The following PTPRD variants were observed in gnomAD, a reference collection of about 807,000 sequenced individuals.
The protein encoded by PTPRD is receptor-type tyrosine-protein phosphatase delta.
A neutral mutation model predicts 214.5 loss-of-function variants in PTPRD; 34 were observed. The ratio of observed to expected loss-of-function variants is 0.16; its 90% CI spans 0.12 to 0.21. The LOEUF is 0.21. PTPRD is among the 10% of genes least tolerant of loss of function. PTPRD has a pLI of 1.00. For synonymous variants in PTPRD, 1,128 were observed against 845.7 expected (o/e 1.33, Z -5.79); for missense variants, 2,545 against 2,398.7 (o/e 1.06, Z -1.27).
At chr9:10,049,910 C>G (rs2097495898) in intron 3 of PTPRD, among the ~76,000 whole-genome samples, 2 of 152,222 alleles carry the variant, frequency 1.3e-5, no homozygotes, top group South Asian at 4.1e-4. Context: ...GGTAGCATGA[C>G]CTGTCTCAGA....
At chr9:9,616,813 A>G (rs1337921382) in intron 7 of PTPRD, among the ~76,000 whole-genome samples, 2 of 152,228 alleles carry the variant, frequency 1.3e-5, no homozygotes, top group Non-Finnish European at 2.9e-5. Context: ...AGTAGCCACT[A>G]TAATTTTTTT....
At chr9:9,527,185 A>G (rs527579470) in intron 8 of PTPRD, among the ~76,000 whole-genome samples, 1 of 152,296 alleles carries the variant, frequency 6.6e-6, no homozygotes, top group East Asian at 1.9e-4. Flanking sequence ...AGGAATATAG[A>G]TTACTATCTT....
intron 8 of PTPRD, among the ~76,000 whole-genome samples, chr9:9,507,865 A>G (rs1391786190): frequency 1.3e-5 from 2 of 151,476 alleles, no homozygotes; most frequent in Non-Finnish European, 3.0e-5. Context: ...TTCATAAACC[A>G]AAGTCTATTT....
intron 10 of PTPRD, among the ~76,000 whole-genome samples, chr9:9,170,010 T>G (rs1215192642): frequency 6.6e-6 from 1 of 152,196 alleles, no homozygotes; most frequent in Non-Finnish European, 1.5e-5. Context: ...AGATCTTTGG[T>G]GTTTTTTCAT....
intron 2 of PTPRD, among the ~76,000 whole-genome samples, chr9:10,377,065 C>T: frequency 6.6e-6 from 1 of 151,812 alleles, no homozygotes; most frequent in Admixed American, 6.6e-5. Flanking sequence ...ATTACCCTTT[C>T]CAGCCGCTGG....
At chr9:9,036,026 C>T (rs769837678) in intron 10 of PTPRD, among the ~76,000 whole-genome samples, 8 of 152,002 alleles carry the variant, frequency 5.3e-5, no homozygotes, top group Non-Finnish European at 1.0e-4. Flanking sequence ...AATGTGCCTA[C>T]CTCTTTTGAA....
chr9:9,178,552 T>C (rs970467807), intron 10 of PTPRD, among the ~76,000 whole-genome samples: 1 of 152,116 alleles, frequency 6.6e-6, no homozygotes, highest in Non-Finnish European at 1.5e-5. Context: ...ACAGCCTATT[T>C]TAGTTCTAAT....
intron 2 of PTPRD, among the ~76,000 whole-genome samples, chr9:10,571,917 T>A (rs1293648976): frequency 6.6e-6 from 1 of 152,142 alleles, no homozygotes; most frequent in Admixed American, 6.5e-5. Flanking sequence ...ACTACTCACC[T>A]CCTGCTGAGA....
chr9:9,330,472 A>G lies in PTPRD; in HGVS notation c.-203+66977T>C, dbSNP rs144875582. 3.7e-3 allele frequency among the ~76,000 whole-genome samples: 566 copies of G among 152,212 alleles called. 6 individuals carry two copies. Among genetic ancestry groups the G allele is most frequent in the African/African-American group, 0.012 (513 of 41,550 alleles). ...TAATTGAAATTATGACTTCCCATCGAGCAATTTTAATGTATGGCCACATTA... is the reference window on the plus strand; with the variant it reads ...TAATTGAAATTATGACTTCCCATCGGGCAATTTTAATGTATGGCCACATTA... On this transcript the variant is annotated intron_variant, in intron 9 of 45. Transcript: ENST00000381196.
intron 11 of PTPRD, chr9:8,860,819 AACTATTT>A (rs1295213810): frequency 6.6e-6 from 1 of 152,204 alleles, no homozygotes; most frequent in East Asian, 1.9e-4. Context: ...AAAATCATCC[AACTATTT>A]GGTGCCAGAA....
intron 11 of PTPRD, among the ~76,000 whole-genome samples, chr9:8,798,978 G>A (rs1328275791): frequency 6.6e-6 from 1 of 151,820 alleles, no homozygotes; most frequent in Non-Finnish European, 1.5e-5. Flanking sequence ...TTCCTTACAG[G>A]GTTATTATAA....
rs986681018 is a variant in PTPRD at position 9,775,671 on chromosome 9, C to T, written c.-367-8820G>A. On this transcript the variant is annotated intron_variant, in intron 5 of 45. Transcript: ENST00000381196. ...TAAAAAGCGAATTCTTGGCTGGTTG[C>T]GGTGGCTCACGCCTGTAATCCCAGC... Among the ~76,000 whole-genome samples, 6 of 152,182 alleles carry T rather than the reference C, an allele frequency of 3.9e-5. No homozygotes were observed. The South Asian group carries it at 1.0e-3, about 26-fold the overall frequency.
chr9:9,942,386 T>C (rs922333533), intron 4 of PTPRD, among the ~76,000 whole-genome samples: 3 of 152,170 alleles, frequency 2.0e-5, no homozygotes, highest in African/African-American at 7.2e-5. Flanking sequence ...TATACCATAA[T>C]TTAACCAGCA....
chr9:9,810,628 CG>C (rs1274496639), intron 5 of PTPRD, among the ~76,000 whole-genome samples: 1 of 151,482 alleles, frequency 6.6e-6, no homozygotes, highest in Non-Finnish European at 1.5e-5. Context: ...AAAAAGATTT[CG>C]TTTAAAATAC....
chr9:8,680,209 A>G (rs1277503416), intron 12 of PTPRD, among the ~76,000 whole-genome samples: 1 of 152,130 alleles, frequency 6.6e-6, no homozygotes, highest in East Asian at 1.9e-4. Flanking sequence ...AAATTTATCT[A>G]AAAGCCGTAT....
intron 9 of PTPRD, among the ~76,000 whole-genome samples, chr9:9,230,355 G>A (rs977448894): frequency 1.3e-5 from 2 of 152,054 alleles, no homozygotes; most frequent in Admixed American, 6.6e-5. Context: ...CTGGGAGGGT[G>A]GCGTACCCAG....
chr9:10,197,341 C>T (rs1387450568), intron 3 of PTPRD, among the ~76,000 whole-genome samples: 3 of 152,018 alleles, frequency 2.0e-5, no homozygotes, highest in Non-Finnish European at 4.4e-5. Flanking sequence ...ATGACAGCAG[C>T]CATGTATACC....
At chr9:8,647,587 CT>C (rs1487757855) in intron 12 of PTPRD, among the ~76,000 whole-genome samples, 2 of 152,106 alleles carry the variant, frequency 1.3e-5, no homozygotes, top group Non-Finnish European at 2.9e-5. Flanking sequence ...GACTTCAAAA[CT>C]TTTTTGTAAT....
rs74951534 is a variant in PTPRD, at chr9:9,091,569, T to C, written c.-142-72834A>G. Among the ~76,000 whole-genome samples, 1,304 of 152,300 alleles carry C rather than the reference T, an allele frequency of 8.6e-3. 15 individuals carry two copies. Among genetic ancestry groups the C allele is most frequent in the African/African-American group, 0.029 (1,220 of 41,570 alleles). The stretch of plus-strand genomic sequence containing the variant: ...CAACTCTTAAAACTCCTTTTCATAG[T>C]AATAAGCCTATTCAGCACTTTGGAC... On this transcript the variant is annotated intron_variant, in intron 10 of 45. Coordinates refer to ENST00000381196, the MANE Select transcript of PTPRD (RefSeq NM_002839.4).
Sources: allele counts gnomAD v4.1 joint callset (sites outside exome capture counted in the v4.1 genomes callset), GRCh38; gene constraint gnomAD v4.1.1; transcripts MANE v1.5; gene names NCBI Gene and HGNC (gene_info 2026-07-23, HGNC 2026-07-21).